KIF13B: variants seen among roughly 807,000 people sequenced by gnomAD.
KIF13B encodes kinesin-like protein KIF13B.
A neutral mutation model predicts 222.0 loss-of-function variants in KIF13B; 127 were observed. The ratio of observed to expected loss-of-function variants is 0.57; its 90% CI spans 0.50 to 0.66. The LOEUF (loss-of-function observed/expected upper bound fraction) is 0.66. Ranked by LOEUF, KIF13B falls within the 30% of genes least tolerant of loss-of-function variation. The probability of loss-of-function intolerance (pLI) is 0.00; values close to 1 mark genes in which losing one functional copy is unlikely to be tolerated. For synonymous variants in KIF13B, 976 were observed against 919.0 expected (o/e 1.06, Z -1.12); for missense variants, 2,173 against 2,379.0 (o/e 0.91, Z 1.80).
intron 31 of KIF13B, among the ~76,000 whole-genome samples, chr8:29,114,871 G>A (rs936702233): frequency 3.9e-5 from 6 of 152,182 alleles, no homozygotes; most frequent in African/African-American, 1.4e-4. Context: ...TGGCAACCAG[G>A]ATGTCTAATT....
At chr8:29,160,913 A>C (rs201705531) in intron 12 of KIF13B, 46 bp from the exon 13 acceptor site, 153 of 1,548,624 alleles carry the variant, frequency 9.9e-5, no homozygotes, top group Non-Finnish European at 1.3e-4. Flanking sequence ...CTATTGAGGC[A>C]GTGAGATATC....
intron 36 of KIF13B, among the ~76,000 whole-genome samples, chr8:29,093,839 G>A (rs950727933): frequency 2.0e-5 from 3 of 152,096 alleles, no homozygotes; most frequent in Non-Finnish European, 2.9e-5. Context: ...ATACCGAGCC[G>A]AGAGATACAT....
intron 35 of KIF13B, among the ~76,000 whole-genome samples, chr8:29,102,070 T>C (rs1808813884): frequency 6.8e-6 from 1 of 147,232 alleles, no homozygotes; most frequent in African/African-American, 2.5e-5. Flanking sequence ...CTCCCTTTAC[T>C]AAAATGTTGG....
chr8:29,126,416 C>G lies in KIF13B; in HGVS notation c.3252+66G>C, dbSNP rs190827996. The G allele has an allele frequency of 3.9e-6, 4 of 1,035,658 alleles. No individual in the cohort carries two copies. In the East Asian group the frequency reaches 7.6e-5, roughly 20 times the overall value. The allele number at this position is 1,035,658 out of a possible 1,614,324, so 64.2% of individuals were successfully genotyped here. A position where few individuals can be genotyped will look rare whatever the true frequency, so the allele number is the denominator to read the frequency against. On this transcript the variant is annotated intron_variant, in intron 26 of 39. Coordinates refer to ENST00000524189, the MANE Select transcript of KIF13B (RefSeq NM_015254.4). Reference sequence around the variant, plus strand: ...CCTTAAATAACAGTATAGCCAGATCCAGGAATGTGTAATTATATACTTTAA... The same window carrying G: ...CCTTAAATAACAGTATAGCCAGATCGAGGAATGTGTAATTATATACTTTAA...
chr8:29,163,962 T>C (rs1330763921), intron 12 of KIF13B, among the ~76,000 whole-genome samples: 1 of 152,204 alleles, frequency 6.6e-6, no homozygotes, highest in Non-Finnish European at 1.5e-5. Flanking sequence ...CAGGGAGATA[T>C]GTAATGAGAA....
At chr8:29,092,397 A>C (rs1808340711) in intron 37 of KIF13B, among the ~76,000 whole-genome samples, 1 of 152,260 alleles carries the variant, frequency 6.6e-6, no homozygotes. Context: ...AAACAAATGA[A>C]ATCAAAAAAT....
chr8:29,207,283 C>T (rs1813994174), intron 2 of KIF13B, among the ~76,000 whole-genome samples: 1 of 152,184 alleles, frequency 6.6e-6, no homozygotes, highest in Admixed American at 6.5e-5. Flanking sequence ...GGGTGCCTTT[C>T]CCATTGTTTG....
chr8:29,230,715 G>T (rs1358278302), intron 2 of KIF13B, among the ~76,000 whole-genome samples: 1 of 152,198 alleles, frequency 6.6e-6, no homozygotes, highest in Non-Finnish European at 1.5e-5. Context: ...GTGATCAAAG[G>T]CTCCAAGGAG....
At chr8:29,249,931 G>T in intron 1 of KIF13B, 1 of 740,366 alleles carries the variant, frequency 1.4e-6, no homozygotes, top group Non-Finnish European at 2.0e-6. Context: ...TCACAGAAAT[G>T]CTGCAAGAAA....
intron 34 of KIF13B, 35 bp from the exon 35 acceptor site, chr8:29,108,227 G>C: frequency 1.3e-6 from 2 of 1,592,378 alleles, no homozygotes; most frequent in Non-Finnish European, 1.7e-6. Context: ...AGTTATTTAT[G>C]CATCAGAGCA....
chr8:29,130,181 C>A (rs957432880), intron 24 of KIF13B, among the ~76,000 whole-genome samples: 7 of 152,066 alleles, frequency 4.6e-5, no homozygotes, highest in African/African-American at 1.4e-4. Context: ...CTTTTTCTTA[C>A]CTAACACTAA....
intron 28 of KIF13B, 58 bp from the exon 29 acceptor site, chr8:29,122,704 G>A (rs1260241625): frequency 7.3e-6 from 10 of 1,373,936 alleles, no homozygotes; most frequent in Middle Eastern, 1.8e-4. Context: ...TGGCATGCAC[G>A]TAGGAACACA....
chr8:29,224,010 T>C (rs1489140736), intron 2 of KIF13B, among the ~76,000 whole-genome samples: 1 of 148,076 alleles, frequency 6.8e-6, no homozygotes, highest in African/African-American at 2.5e-5. Context: ...TTTTTTTCTT[T>C]TTTTTTGAGA....
At position 29,126,595 on chromosome 8, in the gene KIF13B, C is replaced by T. The variant is rs367857415; in HGVS notation, c.3223-84G>A. The T allele has an allele frequency of 1.1e-4, 86 of 812,340 alleles. No homozygotes were observed. The South Asian group carries it at 1.3e-3, about 12-fold the overall frequency. 50.3% of individuals were successfully genotyped at this position (812,340 alleles called of 1,614,324 possible). On this transcript the variant is annotated intron_variant, in intron 25 of 39. Transcript: ENST00000524189. ...ACGCTAAACAATCTGACTCTTTACC[C>T]ATAATTTATATTTTCCAATTGAATT... is the stretch of plus-strand genomic sequence containing the variant.
At chr8:29,117,702 T>C (rs1219753754) in intron 30 of KIF13B, among the ~76,000 whole-genome samples, 1 of 152,196 alleles carries the variant, frequency 6.6e-6, no homozygotes, top group Non-Finnish European at 1.5e-5. Context: ...AGTAATAATG[T>C]GTCCTCAAAT....
chr8:29,248,594 T>C lies in KIF13B; in HGVS notation c.56-3155A>G, dbSNP rs185376210. 1.9e-3 allele frequency among the ~76,000 whole-genome samples: 294 copies of C among 152,256 alleles called. 1 individual carries two copies. Among genetic ancestry groups the C allele is most frequent in the African/African-American group, 6.0e-3 (250 of 41,532 alleles). On this transcript the variant is annotated intron_variant, in intron 1 of 39. Transcript: ENST00000524189. ...ATCTCGTGAGACTTATTCATTACCA[T>C]GAGAACAGTATGGAAGAAACTGACC...
intron 22 of KIF13B, 123 bp downstream of exon 22, chr8:29,133,917 C>T: frequency 3.3e-6 from 3 of 921,598 alleles, no homozygotes; most frequent in South Asian, 1.8e-5. Flanking sequence ...TCAATCCCCA[C>T]ACTCTACAGA....
chr8:29,176,379 A>T (rs1812478271), intron 9 of KIF13B, among the ~76,000 whole-genome samples, 200 bp from the exon 10 acceptor site: 1 of 152,230 alleles, frequency 6.6e-6, no homozygotes, highest in Non-Finnish European at 1.5e-5. Flanking sequence ...AAAAATGCTT[A>T]GCCTAATATT....
At position 29,132,451 on chromosome 8, in the gene KIF13B, G is replaced by A; in HGVS notation, c.2799C>T (p.Asn933=). The A allele has an allele frequency of 6.6e-7, 1 of 1,523,984 alleles. No homozygotes were observed. Among genetic ancestry groups the A allele is most frequent in the Non-Finnish European group, 8.8e-7 (1 of 1,132,472 alleles). 94.4% of individuals were successfully genotyped at this position (1,523,984 alleles called of 1,614,324 possible). A position where few individuals can be genotyped will look rare whatever the true frequency, so the allele number is the denominator to read the frequency against. Residue 933 remains asparagine (N), a synonymous_variant, in exon 23 of 40, where the codon AAC becomes AAT. Coordinates refer to ENST00000524189, the MANE Select transcript of KIF13B (RefSeq NM_015254.4). ...VFDHCNEFSV[N]ITEDFIEHLS... is the part of the protein sequence containing the mutation. The stretch of plus-strand genomic sequence containing the variant: ...GATGCTCGATAAAGTCTTCGGTGAT[G>A]TTAACAGAAAACTCCTGAAACACAA...
Sources: allele counts gnomAD v4.1 joint callset (sites outside exome capture counted in the v4.1 genomes callset), GRCh38; gene constraint gnomAD v4.1.1; transcripts MANE v1.5; gene names NCBI Gene and HGNC (gene_info 2026-07-23, HGNC 2026-07-21).